Variants in SLC4A5 observed in about 807,000 individuals in gnomAD.
SLC4A5 encodes solute carrier family 4 member 5, also known as electrogenic sodium bicarbonate cotransporter 4.
A neutral mutation model predicts 120.4 loss-of-function variants in SLC4A5; 96 were observed. That is an observed-to-expected ratio of 0.80 (90% CI 0.68 to 0.94). The LOEUF is 0.94. Among genes scored for constraint, SLC4A5 ranks in the 40% least tolerant of loss-of-function variants. The pLI is 0.00. For synonymous variants in SLC4A5, 550 were observed against 571.1 expected (o/e 0.96, Z 0.53); for missense variants, 1,259 against 1,459.5 (o/e 0.86, Z 2.24).
chr2:74,328,051 A>G (rs1471741083), intron 5 of SLC4A5, 69 bp downstream of exon 5: 2 of 816,968 alleles, frequency 2.4e-6, no homozygotes, highest in African/African-American at 3.7e-5. Context: ...TGTTCATGCT[A>G]TGAAACACAT....
rs186369291 is a variant in SLC4A5 at position 74,274,983 on chromosome 2, C to A, written c.402-9719G>T. Among the ~76,000 whole-genome samples the A allele has an allele frequency of 1.9e-3, 296 of 152,298 alleles. 1 individual carries two copies. Among genetic ancestry groups the A allele is most frequent in the African/African-American group, 6.7e-3 (279 of 41,576 alleles). On this transcript the variant is annotated intron_variant, in intron 8 of 30. Coordinates refer to ENST00000394019, the Ensembl canonical transcript of SLC4A5. ...TAGGACTAGGATCAGATTGATAGGG[C>A]CTTCTGTCTTAGATTGTTCTGCAAT...
In SLC4A5 at chr2:74,312,347, A is replaced by G. The variant is rs191763753; in HGVS notation, c.79+2598T>C. Reference sequence around the variant, plus strand: ...CTGGGTTCAACTGATTTCCTGACTCAGCCTCCCGAGTAGTTGGGATTACAG... The same window carrying G: ...CTGGGTTCAACTGATTTCCTGACTCGGCCTCCCGAGTAGTTGGGATTACAG... On this transcript the variant is annotated intron_variant, in intron 6 of 30. Coordinates refer to ENST00000394019, the Ensembl canonical transcript of SLC4A5. Among the ~76,000 whole-genome samples, 48 of 151,762 alleles carry G rather than the reference A, an allele frequency of 3.2e-4. 1 individual carries two copies. Among genetic ancestry groups the G allele is most frequent in the Admixed American group, 1.1e-3 (17 of 15,224 alleles).
intron 7 of SLC4A5, among the ~76,000 whole-genome samples, chr2:74,297,953 C>T (rs1336607551): frequency 6.6e-6 from 1 of 152,144 alleles, no homozygotes; most frequent in African/African-American, 2.4e-5. Context: ...GGTGACTGAC[C>T]AATGACATCT....
At chr2:74,325,706 A>C (rs188766315) in intron 5 of SLC4A5, among the ~76,000 whole-genome samples, 1 of 152,242 alleles carries the variant, frequency 6.6e-6, no homozygotes, top group African/African-American at 2.4e-5. Context: ...GAGGTATATA[A>C]TTTTCACCCA....
At chr2:74,298,722 A>T (rs1183069538) in intron 7 of SLC4A5, among the ~76,000 whole-genome samples, 1 of 152,196 alleles carries the variant, frequency 6.6e-6, no homozygotes, top group Non-Finnish European at 1.5e-5. Context: ...ATACAACTCA[A>T]TAGCAAAAAG....
chr2:74,254,357 C>A (rs970987099), intron 14 of SLC4A5, among the ~76,000 whole-genome samples: 2 of 152,188 alleles, frequency 1.3e-5, no homozygotes, highest in Non-Finnish European at 1.5e-5. Context: ...TTAAAGCCCC[C>A]TCATCTGTGA....
intron 12 of SLC4A5, among the ~76,000 whole-genome samples, chr2:74,258,600 T>C (rs1330331959): frequency 1.3e-5 from 2 of 152,194 alleles, no homozygotes; most frequent in African/African-American, 4.8e-5. Flanking sequence ...ACTGCCTAGG[T>C]CAAATCAAAG....
At chr2:74,334,708 C>T (rs1673441294) in intron 3 of SLC4A5, among the ~76,000 whole-genome samples, 1 of 151,952 alleles carries the variant, frequency 6.6e-6, no homozygotes, top group African/African-American at 2.4e-5. Flanking sequence ...CCTGACTCAA[C>T]TAACTGTGGC....
chr2:74,306,429 C>G (rs1281614630), intron 6 of SLC4A5, among the ~76,000 whole-genome samples: 1 of 152,158 alleles, frequency 6.6e-6, no homozygotes, highest in Admixed American at 6.5e-5. Flanking sequence ...TAGTCTTAGT[C>G]TGTAAGAGAG....
At chr2:74,339,863 A>G (rs544284252) in intron 2 of SLC4A5, among the ~76,000 whole-genome samples, 2 of 152,372 alleles carry the variant, frequency 1.3e-5, no homozygotes, top group South Asian at 4.1e-4. Flanking sequence ...AGCCTTAAAA[A>G]GGAATAAAAT....
intron 2 of SLC4A5, among the ~76,000 whole-genome samples, chr2:74,342,010 G>T (rs376897412): frequency 6.6e-6 from 1 of 152,158 alleles, no homozygotes; most frequent in Non-Finnish European, 1.5e-5. Context: ...ATATAAAATT[G>T]CTCAAATTAT....
chr2:74,273,555 A>G (rs990682623), intron 8 of SLC4A5, among the ~76,000 whole-genome samples: 4 of 152,200 alleles, frequency 2.6e-5, no homozygotes, highest in Admixed American at 2.6e-4. Flanking sequence ...ACTTCTGTGT[A>G]TTAGTTACAA....
chr2:74,272,773 A>T (rs535419945), intron 8 of SLC4A5, among the ~76,000 whole-genome samples: 4 of 152,258 alleles, frequency 2.6e-5, no homozygotes, highest in Non-Finnish European at 5.9e-5. Context: ...AGATATAATT[A>T]GAGGACATTG....
At chr2:74,317,304 T>C (rs2104305138) in intron 5 of SLC4A5, among the ~76,000 whole-genome samples, 1 of 152,340 alleles carries the variant, frequency 6.6e-6, no homozygotes, top group South Asian at 2.1e-4. Flanking sequence ...TTGTTGTGTT[T>C]GAAAATTTTT....
At chr2:74,246,967 C>A in intron 19 of SLC4A5, 69 bp downstream of exon 19, 1 of 1,566,568 alleles carries the variant, frequency 6.4e-7, no homozygotes, top group South Asian at 1.2e-5. Flanking sequence ...AAGTAGAGAG[C>A]TGTGGTGAAG....
chr2:74,260,206 T>C (rs185634216), intron 11 of SLC4A5, among the ~76,000 whole-genome samples: 10 of 152,284 alleles, frequency 6.6e-5, no homozygotes, highest in African/African-American at 1.9e-4. Context: ...AAGCCAGCTC[T>C]CCTCTCCCAC....
intron 11 of SLC4A5, among the ~76,000 whole-genome samples, chr2:74,260,986 T>G (rs373850194): frequency 7.9e-5 from 12 of 152,232 alleles, no homozygotes; most frequent in African/African-American, 2.6e-4. Flanking sequence ...CTCCTATTTG[T>G]TTTGTTTGTT....
At chr2:74,324,831 T>C (rs1442879908) in intron 5 of SLC4A5, among the ~76,000 whole-genome samples, 1 of 152,156 alleles carries the variant, frequency 6.6e-6, no homozygotes, top group Non-Finnish European at 1.5e-5. Context: ...AATGATCCCA[T>C]GTCCTTAACT....
intron 28 of SLC4A5, 79 bp from the exon 29 acceptor site, chr2:74,223,031 G>C: frequency 2.1e-6 from 2 of 956,400 alleles, no homozygotes; most frequent in Non-Finnish European, 3.1e-6. Context: ...TTGAGACAGA[G>C]TCTCGCTCTA....
Sources: allele counts gnomAD v4.1 joint callset (sites outside exome capture counted in the v4.1 genomes callset), GRCh38; gene constraint gnomAD v4.1.1; transcripts MANE v1.5; gene names NCBI Gene and HGNC (gene_info 2026-07-23, HGNC 2026-07-21).